The following LNP1 variants were observed in gnomAD, a reference collection of about 807,000 sequenced individuals.
LNP1 encodes leukemia NUP98 fusion partner 1.
Under a neutral mutation model 14.5 loss-of-function variants are expected in LNP1, and 12 were observed. That is an observed-to-expected ratio of 0.83 (90% CI 0.53 to 1.34). The LOEUF is 1.34. Among genes scored for constraint, LNP1 ranks in the 40% most tolerant of loss-of-function variants. The pLI is 0.00. For missense variants in LNP1, 198 were observed against 210.9 expected (o/e 0.94, Z 0.38); for synonymous variants, 75 against 71.4 (o/e 1.05, Z -0.26).
At chr3:100,427,462 A>T (rs958592663) in intron 1 of LNP1, among the ~76,000 whole-genome samples, 1 of 152,184 alleles carries the variant, frequency 6.6e-6, no homozygotes, top group Non-Finnish European at 1.5e-5. Flanking sequence ...CACAACAGAC[A>T]TCATCTCAGC....
At chr3:100,407,883 C>T (rs936599201) in intron 1 of LNP1, among the ~76,000 whole-genome samples, 4 of 152,240 alleles carry the variant, frequency 2.6e-5, no homozygotes, top group Non-Finnish European at 4.4e-5. Context: ...TTGATGCTCT[C>T]TATTACATTT....
chr3:100,417,512 A>G (rs1300289689), intron 1 of LNP1, among the ~76,000 whole-genome samples: 1 of 150,288 alleles, frequency 6.7e-6, no homozygotes, highest in Non-Finnish European at 1.5e-5. Flanking sequence ...AGTAGCTGGG[A>G]TTACAGGCCC....
intron 1 of LNP1, among the ~76,000 whole-genome samples, chr3:100,408,197 A>T (rs1304561410): frequency 1.3e-5 from 2 of 152,186 alleles, no homozygotes; most frequent in Non-Finnish European, 2.9e-5. Flanking sequence ...GCAGTTACTT[A>T]TTCCAGCCCT....
At chr3:100,405,713 T>C (rs1706958660) in intron 1 of LNP1, among the ~76,000 whole-genome samples, 1 of 152,150 alleles carries the variant, frequency 6.6e-6, no homozygotes, top group Admixed American at 6.5e-5. Context: ...CCCTCTTTTT[T>C]CTCTTTTATT....
intron 1 of LNP1, among the ~76,000 whole-genome samples, chr3:100,413,642 T>C (rs1312558840): frequency 6.6e-6 from 1 of 152,228 alleles, no homozygotes; most frequent in Non-Finnish European, 1.5e-5. Flanking sequence ...TTTATAAAGA[T>C]ATTACATACA....
At chr3:100,427,361 C>T (rs1050725150) in intron 1 of LNP1, among the ~76,000 whole-genome samples, 2 of 152,112 alleles carry the variant, frequency 1.3e-5, no homozygotes, top group Non-Finnish European at 2.9e-5. Context: ...ATTTTAGCTA[C>T]CCGTGGCCAA....
At chr3:100,417,950 T>C (rs1002128568) in intron 1 of LNP1, among the ~76,000 whole-genome samples, 3 of 152,052 alleles carry the variant, frequency 2.0e-5, no homozygotes, top group Admixed American at 6.5e-5. Flanking sequence ...CCTTCTAGCT[T>C]AACCTTTTCT....
intron 2 of LNP1, among the ~76,000 whole-genome samples, chr3:100,444,904 A>G (rs938797786): frequency 3.3e-5 from 5 of 152,246 alleles, no homozygotes; most frequent in African/African-American, 1.2e-4. Flanking sequence ...ATGCTTCAAG[A>G]AAACCATGTT....
intron 3 of LNP1, among the ~76,000 whole-genome samples, chr3:100,453,946 G>T (rs1434960836): frequency 2.0e-5 from 3 of 152,082 alleles, no homozygotes; most frequent in Non-Finnish European, 4.4e-5. Context: ...TGCTACCGAG[G>T]TTCATGTCCC....
intron 2 of LNP1, among the ~76,000 whole-genome samples, chr3:100,434,831 C>CTTTTT (rs57009371): frequency 7.1e-6 from 1 of 140,382 alleles, no homozygotes; most frequent in Non-Finnish European, 1.5e-5. Context: ...ACCCGGCTGT[C>CTTTTT]TTTTTTTTTT....
At position 100,401,888 on chromosome 3, in the gene LNP1, T is replaced by A. The variant is rs1706910738; in HGVS notation, c.-585T>A. The A allele has an allele frequency of 6.6e-6, 1 of 152,222 alleles. No homozygotes were observed. The highest frequency in any genetic ancestry group is 6.5e-5 in the Admixed American group (1 of 15,284). The allele number at this position is 152,222 out of a possible 1,614,324, so 9.4% of individuals were successfully genotyped here. A position where few individuals can be genotyped will look rare whatever the true frequency, so the allele number is the denominator to read the frequency against. On this transcript the variant is annotated 5_prime_UTR_variant, in exon 1 of 4. It removes the in-frame stop codon of an upstream open reading frame in the 5' UTR. Coordinates refer to ENST00000383693, the MANE Select transcript of LNP1 (RefSeq NM_001085451.2). ...GACATCTGCGTTGTTAGGGGTTTCT[T>A]AAACTGAGTTGGTAGAAATGCGAAG... is the stretch of plus-strand genomic sequence containing the variant.
At chr3:100,407,430 G>A (rs938542366) in intron 1 of LNP1, among the ~76,000 whole-genome samples, 1 of 152,052 alleles carries the variant, frequency 6.6e-6, no homozygotes, top group African/African-American at 2.4e-5. Context: ...TCCCTGGCCT[G>A]TAAGATTTCT....
At chr3:100,438,488 T>C (rs1018523675) in intron 2 of LNP1, among the ~76,000 whole-genome samples, 12 of 152,172 alleles carry the variant, frequency 7.9e-5, no homozygotes, top group Admixed American at 7.9e-4. Context: ...CCAGAGTCCA[T>C]AGTTTACACA....
chr3:100,438,344 T>C (rs891416672), intron 2 of LNP1, among the ~76,000 whole-genome samples: 7 of 152,184 alleles, frequency 4.6e-5, no homozygotes, highest in African/African-American at 1.2e-4. Flanking sequence ...CAAAGCAATA[T>C]TGAGCAGAAG....
In LNP1 at chr3:100,431,992, TTATATATATA is replaced by T. The variant is rs66513332; in HGVS notation, c.156+2159_156+2168del. Among the ~76,000 whole-genome samples the T allele has an allele frequency of 7.6e-3, 263 of 34,458 alleles. 2 individuals are homozygous for T. The highest frequency in any genetic ancestry group is 0.012 in the Non-Finnish European group (154 of 13,214). 22.6% of individuals were successfully genotyped at this position (34,458 alleles called of 152,430 possible). ...CCTGGGTAACAGAATGAGACCTTGT[TTATATATATA>T]TATATATATATATATATATATATAT... is the stretch of plus-strand genomic sequence containing the variant. On this transcript the variant is annotated intron_variant, in intron 2 of 3. Coordinates refer to ENST00000383693, the MANE Select transcript of LNP1 (RefSeq NM_001085451.2).
intron 1 of LNP1, among the ~76,000 whole-genome samples, chr3:100,417,331 T>A (rs1707094030): frequency 6.6e-6 from 1 of 151,252 alleles, no homozygotes. Context: ...TTTTCAAATA[T>A]ACAGTATACT....
intron 2 of LNP1, among the ~76,000 whole-genome samples, chr3:100,451,021 G>A (rs980788524): frequency 6.6e-6 from 1 of 152,170 alleles, no homozygotes; most frequent in African/African-American, 2.4e-5. Context: ...ATTGGTTTGA[G>A]CCATAAAGTT....
intron 1 of LNP1, among the ~76,000 whole-genome samples, chr3:100,424,025 C>A (rs1230454813): frequency 6.6e-6 from 1 of 152,024 alleles, no homozygotes; most frequent in Admixed American, 6.6e-5. Context: ...TTTTGCTGCC[C>A]CATGTTTGTT....
In LNP1 at chr3:100,402,006, G is replaced by A. The variant is rs2289504; in HGVS notation, c.-467G>A. The A allele has an allele frequency of 0.74, 112,125 of 152,142 alleles. 42,224 individuals are homozygous for A. The highest frequency in any genetic ancestry group is 0.93 in the East Asian group (4,835 of 5,176). 9.4% of individuals were successfully genotyped at this position (152,142 alleles called of 1,614,324 possible). A position where few individuals can be genotyped will look rare whatever the true frequency, so the allele number is the denominator to read the frequency against. ...GCCCACATCTCGCTCTGATCCGCAC[G>A]CCCCCCGGGTTGTTTTGCAGTAGCA... On this transcript the variant is annotated 5_prime_UTR_variant, in exon 1 of 4. Transcript: ENST00000383693.
Sources: gnomAD v4.1 joint callset for allele counts (sites outside exome capture counted in the v4.1 genomes callset) on GRCh38, gnomAD v4.1.1 for gene constraint, MANE v1.5 for transcripts, NCBI Gene and HGNC (gene_info 2026-07-23, HGNC 2026-07-21) for gene names.